The following RC3H2 variants were observed in gnomAD, a reference collection of about 807,000 sequenced individuals.
The protein encoded by RC3H2 is ring finger and CCCH-type domains 2.
Under a neutral mutation model 133.3 loss-of-function variants are expected in RC3H2, and 31 were observed. That is an observed-to-expected ratio of 0.23 (90% CI 0.17 to 0.31). RC3H2 has a LOEUF of 0.31. Ranked by LOEUF, RC3H2 falls within the 10% of genes least tolerant of loss-of-function variation. RC3H2 has a pLI of 1.00. For synonymous variants in RC3H2, 517 were observed against 502.2 expected, an observed-to-expected ratio of 1.03 and a Z score of -0.40; for missense variants, 1,175 against 1,437.2, an observed-to-expected ratio of 0.82 and a Z score of 2.95.
At chr9:122,856,721 A>C (rs966493664) in intron 13 of RC3H2, among the ~76,000 whole-genome samples, 3 of 152,236 alleles carry the variant, frequency 2.0e-5, no homozygotes, top group Non-Finnish European at 4.4e-5. Context: ...TAGGACCAGA[A>C]TACTAAAGTT....
At chr9:122,868,708 CCT>C (rs1053956438) in intron 9 of RC3H2, among the ~76,000 whole-genome samples, 2 of 151,348 alleles carry the variant, frequency 1.3e-5, no homozygotes, top group Admixed American at 1.3e-4. Context: ...GCCAAATCCC[CCT>C]CTGTGAGAAA....
intron 4 of RC3H2, among the ~76,000 whole-genome samples, chr9:122,886,289 T>C (rs565134682): frequency 1.4e-4 from 21 of 152,352 alleles, no homozygotes; most frequent in African/African-American, 5.1e-4. Flanking sequence ...TTACATTTTG[T>C]TTATCCATTT....
At position 122,848,522 on chromosome 9, in the gene RC3H2, TCTA is replaced by T. The variant is rs1829914513; in HGVS notation, c.*1102_*1104del. ...AGTATGAATAAATGTTAGCCACTGTTCTACTATTACACAGTTCATAGTCTTATC... is the reference window on the plus strand; with the variant it reads ...AGTATGAATAAATGTTAGCCACTGTTCTATTACACAGTTCATAGTCTTATC... On this transcript the variant is annotated 3_prime_UTR_variant, in exon 21 of 21. Coordinates refer to ENST00000357244, the MANE Select transcript of RC3H2 (RefSeq NM_001100588.3). 1 of 152,190 alleles carries T rather than the reference TCTA, an allele frequency of 6.6e-6. No homozygotes were observed. The highest frequency in any genetic ancestry group is 1.5e-5 in the Non-Finnish European group (1 of 68,018). The allele number at this position is 152,190 out of a possible 1,614,324, so 9.4% of individuals were successfully genotyped here.
chr9:122,854,062 G>GA lies in RC3H2; in HGVS notation c.3006dup (p.Gln1003SerfsTer18). The GA allele has an allele frequency of 1.2e-6, 2 of 1,614,048 alleles. No homozygotes were observed. The highest frequency in any genetic ancestry group is 1.7e-6 in the Non-Finnish European group (2 of 1,180,038). ...ATGGCCAAAGCATTGGCCTCTCTCT[G>GA]AAGAAGTAATGAGTTGCTCTTGGCC... On this transcript the variant is annotated frameshift_variant, in exon 18 of 21. Coordinates refer to ENST00000357244, the MANE Select transcript of RC3H2 (RefSeq NM_001100588.3). LOFTEE classifies it high-confidence loss of function.
intron 10 of RC3H2, among the ~76,000 whole-genome samples, chr9:122,862,538 T>C (rs1361369135): frequency 2.0e-5 from 3 of 152,320 alleles, no homozygotes; most frequent in African/African-American, 7.2e-5. Flanking sequence ...ATTATTCTTT[T>C]TCCTGTGTTC....
chr9:122,896,644 C>A (rs940429183), intron 2 of RC3H2, among the ~76,000 whole-genome samples: 1 of 151,990 alleles, frequency 6.6e-6, no homozygotes, highest in Non-Finnish European at 1.5e-5. Flanking sequence ...ATACTATATA[C>A]CTATTACTGA....
intron 10 of RC3H2, 128 bp downstream of exon 10, chr9:122,865,221 C>T: frequency 2.3e-6 from 2 of 863,684 alleles, no homozygotes; most frequent in Non-Finnish European, 3.5e-6. Context: ...TTTAGTGTTT[C>T]TTCTACATCA....
chr9:122,883,052 G>A lies in RC3H2; in HGVS notation c.759+152C>T, dbSNP rs894006023. On this transcript the variant is annotated intron_variant, in intron 5 of 20. Transcript: ENST00000357244. ...TAGTAATGGGTACTACCAAAAGGTG[G>A]TATCACAGATGCAATCAATGCAGAA... is the stretch of plus-strand genomic sequence containing the variant. 6.3e-6 allele frequency: 4 copies of A among 637,046 alleles called. No individual in the cohort carries two copies. In the African/African-American group the frequency reaches 7.6e-5, roughly 12 times the overall value. 39.5% of individuals were successfully genotyped at this position (637,046 alleles called of 1,614,324 possible). A position where few individuals can be genotyped will look rare whatever the true frequency, so the allele number is the denominator to read the frequency against.
In RC3H2 at chr9:122,849,708, G is replaced by A; in HGVS notation, c.3495C>T (p.Leu1165=). Residue 1165 remains leucine (L), a synonymous_variant, in exon 21 of 21, where the codon CTC becomes CTT. Transcript: ENST00000357244. ...CAGACATAACATGAGTTTTCAGAAT[G>A]AGGTTGCCAGCACTGACAGATGTGG... The part of the protein sequence containing the change: ...PITTSVSAGN[L]ILKTHVMSED... 6.2e-7 allele frequency: 1 copy of A among 1,612,082 alleles called. No individual in the cohort carries two copies. Among genetic ancestry groups the A allele is most frequent in the Non-Finnish European group, 8.5e-7 (1 of 1,179,108 alleles).
intron 9 of RC3H2, among the ~76,000 whole-genome samples, chr9:122,867,447 G>C (rs1830754873): frequency 6.7e-6 from 1 of 149,530 alleles, no homozygotes; most frequent in South Asian, 2.1e-4. Context: ...ACCCCGTCCA[G>C]GAGGGAGGTG....
At chr9:122,885,310 T>C (rs142485625) in intron 4 of RC3H2, among the ~76,000 whole-genome samples, 3 of 152,302 alleles carry the variant, frequency 2.0e-5, no homozygotes, top group East Asian at 1.9e-4. Context: ...GTAAAGAATA[T>C]ATAAAAAATT....
At chr9:122,858,162 T>C in intron 12 of RC3H2, 69 bp from the exon 13 acceptor site, 3 of 1,415,910 alleles carry the variant, frequency 2.1e-6, no homozygotes, top group Non-Finnish European at 2.9e-6. Context: ...TGTGTGAAAA[T>C]GATGTAAACA....
chr9:122,877,640 C>A, intron 8 of RC3H2, 57 bp from the exon 9 acceptor site: 1 of 1,334,590 alleles, frequency 7.5e-7, no homozygotes, highest in Admixed American at 1.7e-5. Flanking sequence ...ATTTGTTATT[C>A]ACTCTAGGAA....
intron 18 of RC3H2, among the ~76,000 whole-genome samples, chr9:122,852,539 G>A (rs1175454278): frequency 1.4e-5 from 2 of 147,670 alleles, no homozygotes. Flanking sequence ...AGGTGGGGGG[G>A]TCAGCCCCCC....
intron 2 of RC3H2, among the ~76,000 whole-genome samples, chr9:122,894,488 A>T (rs1422592106): frequency 6.6e-6 from 1 of 152,138 alleles, no homozygotes; most frequent in Non-Finnish European, 1.5e-5. Flanking sequence ...TAGAGCAAAG[A>T]TAAGGGGGAC....
chr9:122,875,296 A>G (rs1346650452), intron 9 of RC3H2: 1 of 1,550,638 alleles, frequency 6.4e-7, no homozygotes, highest in African/African-American at 1.4e-5. Flanking sequence ...TGTAGAGCTC[A>G]TTATGTACAG....
At chr9:122,851,040 T>G in intron 20 of RC3H2, 41 bp downstream of exon 20, 1 of 1,609,078 alleles carries the variant, frequency 6.2e-7, no homozygotes, top group Non-Finnish European at 8.5e-7. Context: ...CTTTATTATG[T>G]CCTATGCCCA....
At chr9:122,854,659 T>C in intron 15 of RC3H2, 44 bp from the exon 16 acceptor site, 1 of 1,265,356 alleles carries the variant, frequency 7.9e-7, no homozygotes, top group Non-Finnish European at 1.2e-6. Flanking sequence ...AAGTGAAAAA[T>C]CAGTGTACTG....
At chr9:122,864,080 C>T (rs1385181073) in intron 10 of RC3H2, among the ~76,000 whole-genome samples, 1 of 152,196 alleles carries the variant, frequency 6.6e-6, no homozygotes, top group Non-Finnish European at 1.5e-5. Context: ...CATGTGCTGA[C>T]TGCAGAAGTA....
Sources: gnomAD v4.1 joint callset for allele counts (sites outside exome capture counted in the v4.1 genomes callset) on GRCh38, gnomAD v4.1.1 for gene constraint, MANE v1.5 for transcripts, NCBI Gene and HGNC (gene_info 2026-07-23, HGNC 2026-07-21) for gene names.